IRF8: variants seen among roughly 807,000 people sequenced by gnomAD.
IRF8 encodes interferon regulatory factor 8.
IRF8 carries 14 observed loss-of-function variants against 48.7 expected under a neutral mutation model. That is an observed-to-expected ratio of 0.29 (90% CI 0.19 to 0.45). The LOEUF (loss-of-function observed/expected upper bound fraction) is 0.45, where lower values mean the gene tolerates loss of function less well. IRF8 is among the 20% of genes least tolerant of loss of function. The pLI is 1.00. For synonymous variants in IRF8, 278 were observed against 227.3 expected, an observed-to-expected ratio of 1.22 and a Z score of -2.01; for missense variants, 493 against 580.7, an observed-to-expected ratio of 0.85 and a Z score of 1.55.
chr16:85,899,532 G>T (rs146619109), intron 1 of IRF8, among the ~76,000 whole-genome samples: 2 of 152,258 alleles, frequency 1.3e-5, no homozygotes, highest in South Asian at 2.1e-4. Flanking sequence ...ATAATGAACG[G>T]CAATAGCAAC....
intron 6 of IRF8, 116 bp from the exon 7 acceptor site, chr16:85,918,301 T>G (rs1905386944): frequency 1.7e-6 from 2 of 1,173,760 alleles, no homozygotes; most frequent in Non-Finnish European, 2.4e-6. Context: ...AATATCAAAG[T>G]GGTTCAAGAC....
chr16:85,916,084 C>T (rs1036819011), intron 6 of IRF8, among the ~76,000 whole-genome samples: 5 of 152,328 alleles, frequency 3.3e-5, no homozygotes, highest in African/African-American at 1.2e-4. Context: ...TTTATAACTT[C>T]AGGAGTCTTG....
chr16:85,899,581 T>G (rs1904759861), intron 1 of IRF8, among the ~76,000 whole-genome samples: 1 of 152,236 alleles, frequency 6.6e-6, no homozygotes, highest in African/African-American at 2.4e-5. Context: ...CCACTGAAAT[T>G]CTACCACGTG....
At chr16:85,902,701 T>C (rs1904862847) in intron 1 of IRF8, 1 of 406,348 alleles carries the variant, frequency 2.5e-6, no homozygotes, top group African/African-American at 2.1e-5. Flanking sequence ...TTCACTGTGG[T>C]TGTATCTGCC....
intron 2 of IRF8, among the ~76,000 whole-genome samples, chr16:85,907,594 G>T (rs926761437): frequency 7.9e-5 from 12 of 152,158 alleles, no homozygotes; most frequent in Admixed American, 7.9e-4. Context: ...AGGAGGATTC[G>T]CTTGAACCTG....
intron 3 of IRF8, 69 bp from the exon 4 acceptor site, chr16:85,911,501 A>T: frequency 1.6e-6 from 2 of 1,281,136 alleles, no homozygotes; most frequent in Non-Finnish European, 2.3e-6. Context: ...TACAGAGTAG[A>T]TTATGGCTTC....
At chr16:85,907,582 G>T (rs1413642333) in intron 2 of IRF8, among the ~76,000 whole-genome samples, 1 of 152,208 alleles carries the variant, frequency 6.6e-6, no homozygotes, top group Non-Finnish European at 1.5e-5. Context: ...GGAGGCTGAG[G>T]TAGGAGGATT....
Position 85,921,203 on chromosome 16 carries a change from A to G in IRF8, c.1202A>G (p.Gln401Arg). The G allele has an allele frequency of 6.2e-7, 1 of 1,614,198 alleles. No individual in the cohort carries two copies. The highest frequency in any genetic ancestry group is 8.5e-7 in the Non-Finnish European group (1 of 1,180,026). ...GCCCCCGAGGAGCCGCCGCCAGACC[A>G]GGTCTTCCGGATGTTTCCAGATATT... ...MQAPEEPPPD[Q>R]VFRMFPDICA... Residue 401 changes from glutamine to arginine, a missense_variant, in exon 9 of 9, where the codon CAG becomes CGG. Transcript: ENST00000268638.
At chr16:85,901,006 C>T (rs1904809279) in intron 1 of IRF8, 1 of 152,194 alleles carries the variant, frequency 6.6e-6, no homozygotes, top group Non-Finnish European at 1.5e-5. Flanking sequence ...CAGAAGCCAA[C>T]CCCTATGTTG....
At chr16:85,920,744 GTTTTCTT>G (rs984779355) in intron 8 of IRF8, among the ~76,000 whole-genome samples, 10 of 152,156 alleles carry the variant, frequency 6.6e-5, no homozygotes, top group African/African-American at 2.4e-4. Flanking sequence ...GTGTGTGTGT[GTTTTCTT>G]TTTTCTTTTT....
intron 6 of IRF8, among the ~76,000 whole-genome samples, chr16:85,916,814 G>A (rs1286981465): frequency 6.6e-6 from 1 of 152,228 alleles, no homozygotes; most frequent in Admixed American, 6.5e-5. Flanking sequence ...GACTTGGCGT[G>A]GGGGGAAGAT....
chr16:85,920,054 A>T lies in IRF8; in HGVS notation c.989-55A>T, dbSNP rs1382136055. 32 of 1,255,524 alleles carry T rather than the reference A, an allele frequency of 2.5e-5. No homozygotes were observed. In the Admixed American group the frequency reaches 2.8e-4, roughly 11 times the overall value. The allele number at this position is 1,255,524 out of a possible 1,614,324, so 77.8% of individuals were successfully genotyped here. Reference sequence around the variant, plus strand: ...GATCCCCCAGCCCTGCTGCTGCGGGAGTTGGAGGTCATCTCGGCCTTGCTT... The same window carrying T: ...GATCCCCCAGCCCTGCTGCTGCGGGTGTTGGAGGTCATCTCGGCCTTGCTT... On this transcript the variant is annotated intron_variant, in intron 7 of 8. Coordinates refer to ENST00000268638, the MANE Select transcript of IRF8 (RefSeq NM_002163.4).
At chr16:85,902,796 T>TGGCTGCAGG in intron 1 of IRF8, 1 of 604,316 alleles carries the variant, frequency 1.7e-6, no homozygotes, top group Admixed American at 2.5e-5. Context: ...TGGCTGCAGG[T>TGGCTGCAGG]TTCCCACGGA....
At chr16:85,901,060 A>C (rs1453057636) in intron 1 of IRF8, 2 of 152,220 alleles carry the variant, frequency 1.3e-5, no homozygotes, top group Non-Finnish European at 2.9e-5. Context: ...ATCTAGGAGA[A>C]ATTTTTCTAC....
rs1469176664 is a variant in IRF8, at chr16:85,914,510, G to C, written c.591G>C (p.Ala197=). The change falls in exon 6 of 9, where the codon GCG becomes GCC. Residue 197 remains alanine, a synonymous_variant. Coordinates refer to ENST00000268638, the MANE Select transcript of IRF8 (RefSeq NM_002163.4). ...TGACGGGGTACACCACCTACGACGC[G>C]CACCATTCAGGTACGGGGTGGTCCG... ...PLVTGYTTYD[A]HHSAFSQMVI... 3 of 1,613,964 alleles carry C rather than the reference G, an allele frequency of 1.9e-6. No homozygotes were observed. The highest frequency in any genetic ancestry group is 2.5e-6 in the Non-Finnish European group (3 of 1,180,020).
At position 85,918,571 on chromosome 16, in the gene IRF8, C is replaced by T. The variant is rs1905407799; in HGVS notation, c.756C>T (p.Phe252=). Residue 252 remains phenylalanine (F), a synonymous_variant, in exon 7 of 9, where the codon TTC becomes TTT. Transcript: ENST00000268638. Reference sequence around the variant, plus strand: ...CCGAGGGCCTGGAGCTGGTGCGCTTCCCGCCGGCCGACGCCATCCCCAGCG... The same window carrying T: ...CCGAGGGCCTGGAGCTGGTGCGCTTTCCGCCGGCCGACGCCATCCCCAGCG... ...YGPEGLELVR[F]PPADAIPSER... 1.2e-6 allele frequency: 2 copies of T among 1,604,788 alleles called. No individual in the cohort carries two copies. The highest frequency in any genetic ancestry group is 1.7e-6 in the Non-Finnish European group (2 of 1,179,212).
At chr16:85,914,661 C>G (rs1173117232) in intron 6 of IRF8, 141 bp downstream of exon 6, 1 of 953,004 alleles carries the variant, frequency 1.0e-6, no homozygotes, top group Non-Finnish European at 1.6e-6. Context: ...TGAGCAGGAC[C>G]TGGTGTGGAA....
rs1300403841 is a variant in IRF8, at chr16:85,913,340, A to T, written c.553+104A>T. On this transcript the variant is annotated intron_variant, in intron 5 of 8. Coordinates refer to ENST00000268638, the MANE Select transcript of IRF8 (RefSeq NM_002163.4). ...GGGGTGGTTGTTGCTATCATGATCC[A>T]TGTCTCATTAAAGGTAGCTCAGCCC... 26 of 827,492 alleles carry T rather than the reference A, an allele frequency of 3.1e-5. No individual in the cohort carries two copies. In the Admixed American group the frequency reaches 4.9e-4, roughly 16 times the overall value. The allele number at this position is 827,492 out of a possible 1,614,324, so 51.3% of individuals were successfully genotyped here.
chr16:85,903,810 G>A (rs1904904377), intron 2 of IRF8, among the ~76,000 whole-genome samples: 1 of 152,194 alleles, frequency 6.6e-6, no homozygotes, highest in Non-Finnish European at 1.5e-5. Context: ...ATCCTGTGTG[G>A]TAGATGCTGT....
Sources: allele counts gnomAD v4.1 joint callset (sites outside exome capture counted in the v4.1 genomes callset), GRCh38; gene constraint gnomAD v4.1.1; transcripts MANE v1.5; gene names NCBI Gene and HGNC (gene_info 2026-07-23, HGNC 2026-07-21).